The following PTPRD variants were observed in gnomAD, a reference collection of about 807,000 sequenced individuals.
The protein encoded by PTPRD is receptor-type tyrosine-protein phosphatase delta.
PTPRD carries 34 observed loss-of-function variants against 214.5 expected under a neutral mutation model. The ratio of observed to expected loss-of-function variants is 0.16; its 90% CI spans 0.12 to 0.21. The LOEUF (loss-of-function observed/expected upper bound fraction) is 0.21. Among genes scored for constraint, PTPRD ranks in the 10% least tolerant of loss-of-function variants. The pLI, the probability that PTPRD is intolerant of heterozygous loss-of-function variation, is 1.00. For missense variants in PTPRD, 2,545 were observed against 2,398.7 expected (o/e 1.06, Z -1.27); for synonymous variants, 1,128 against 845.7 (o/e 1.33, Z -5.79).
At chr9:10,370,657 GA>G (rs1420147321) in intron 2 of PTPRD, among the ~76,000 whole-genome samples, 1 of 151,964 alleles carries the variant, frequency 6.6e-6, no homozygotes, top group Admixed American at 6.6e-5. Context: ...AATATATTTA[GA>G]AATCTTCAAA....
chr9:8,943,961 A>T (rs2099048885), intron 11 of PTPRD, among the ~76,000 whole-genome samples: 1 of 151,982 alleles, frequency 6.6e-6, no homozygotes, highest in Admixed American at 6.6e-5. Flanking sequence ...AAATGAAGAG[A>T]CAACACATGG....
At chr9:10,101,838 C>T (rs1276379004) in intron 3 of PTPRD, among the ~76,000 whole-genome samples, 1 of 151,638 alleles carries the variant, frequency 6.6e-6, no homozygotes, top group Admixed American at 6.6e-5. Flanking sequence ...CATTTGTAAA[C>T]AATTGCAAAT....
chr9:9,985,495 G>A (rs549438962), intron 4 of PTPRD, among the ~76,000 whole-genome samples: 3 of 152,132 alleles, frequency 2.0e-5, no homozygotes, highest in South Asian at 2.1e-4. Flanking sequence ...TTCTTTTACA[G>A]AAAGTAGTCA....
At chr9:10,257,494 A>C (rs1368483393) in intron 3 of PTPRD, among the ~76,000 whole-genome samples, 3 of 152,220 alleles carry the variant, frequency 2.0e-5, no homozygotes, top group Admixed American at 2.0e-4. Flanking sequence ...CATCATATCC[A>C]ATTGATTAGG....
chr9:8,798,258 T>C (rs1002960089), intron 11 of PTPRD, among the ~76,000 whole-genome samples: 1 of 152,188 alleles, frequency 6.6e-6, no homozygotes, highest in African/African-American at 2.4e-5. Flanking sequence ...CCTGATCATA[T>C]AGGGTAAATC....
At chr9:8,638,942 A>G (rs1264860948) in intron 12 of PTPRD, among the ~76,000 whole-genome samples, 1 of 152,158 alleles carries the variant, frequency 6.6e-6, no homozygotes, top group East Asian at 1.9e-4. Context: ...ACCCAGGTTC[A>G]AGCGATTCTC....
At chr9:10,202,788 A>G (rs1440927376) in intron 3 of PTPRD, among the ~76,000 whole-genome samples, 1 of 151,218 alleles carries the variant, frequency 6.6e-6, no homozygotes, top group East Asian at 2.0e-4. Context: ...AAAACTTAAA[A>G]GAGATAGAAG....
chr9:9,525,573 T>C (rs532487686), intron 8 of PTPRD, among the ~76,000 whole-genome samples: 19 of 152,208 alleles, frequency 1.2e-4, no homozygotes, highest in African/African-American at 4.6e-4. Context: ...GAAAGCAACT[T>C]ATGGGGAAGT....
chr9:9,347,321 A>T (rs1054731827), intron 9 of PTPRD, among the ~76,000 whole-genome samples: 7 of 149,082 alleles, frequency 4.7e-5, no homozygotes, highest in African/African-American at 1.7e-4. Context: ...TATATATATA[A>T]ATATATATAT....
intron 7 of PTPRD, among the ~76,000 whole-genome samples, chr9:9,592,107 T>C (rs1020001448): frequency 3.3e-5 from 5 of 152,062 alleles, no homozygotes; most frequent in African/African-American, 1.2e-4. Flanking sequence ...AAAATATTTG[T>C]TCTCAAAATT....
intron 9 of PTPRD, among the ~76,000 whole-genome samples, chr9:9,269,334 A>G (rs985807487): frequency 1.3e-5 from 2 of 151,396 alleles, no homozygotes; most frequent in Non-Finnish European, 3.0e-5. Flanking sequence ...TAGGATGGCC[A>G]TTAGCAAAAA....
intron 10 of PTPRD, among the ~76,000 whole-genome samples, chr9:9,079,665 G>T (rs145815058): frequency 1.7e-3 from 258 of 152,140 alleles, no homozygotes; most frequent in African/African-American, 5.8e-3. Flanking sequence ...TCTCCTCTGG[G>T]AGGTGACATA....
intron 4 of PTPRD, among the ~76,000 whole-genome samples, chr9:10,016,636 C>G (rs2096721426): frequency 6.6e-6 from 1 of 150,602 alleles, no homozygotes; most frequent in African/African-American, 2.4e-5. Context: ...AGTGAAAATG[C>G]TACTAGAAAT....
intron 3 of PTPRD, among the ~76,000 whole-genome samples, chr9:10,277,903 A>T (rs920131560): frequency 2.6e-5 from 4 of 152,226 alleles, no homozygotes; most frequent in African/African-American, 9.6e-5. Flanking sequence ...TCATGCCTGT[A>T]ATCTCAGCAC....
intron 12 of PTPRD, among the ~76,000 whole-genome samples, chr9:8,660,264 A>G (rs919878158): frequency 2.0e-4 from 30 of 151,456 alleles, no homozygotes; most frequent in African/African-American, 7.1e-4. Flanking sequence ...TAATAGCCAT[A>G]CACGTAACAG....
chr9:9,613,135 CATATATATATATATATATATATATAT>C (rs67735335), intron 7 of PTPRD, among the ~76,000 whole-genome samples: 5 of 47,926 alleles, frequency 1.0e-4, no homozygotes, highest in African/African-American at 4.4e-4. Context: ...TACATACATA[CATATATATATATATATATATATATAT>C]ATATATATAT....
intron 11 of PTPRD, among the ~76,000 whole-genome samples, chr9:8,899,919 C>T (rs375034410): frequency 1.3e-5 from 2 of 152,274 alleles, no homozygotes; most frequent in African/African-American, 2.4e-5. Flanking sequence ...AGCAGATAAA[C>T]GATTTGGAAA....
At chr9:8,623,445 A>C (rs995117261) in intron 14 of PTPRD, among the ~76,000 whole-genome samples, 9 of 151,926 alleles carry the variant, frequency 5.9e-5, no homozygotes, top group African/African-American at 2.2e-4. Context: ...AGCTTGACTT[A>C]AGGATTAAAA....
chr9:9,123,044 G>A (rs1053615239), intron 10 of PTPRD, among the ~76,000 whole-genome samples: 5 of 152,306 alleles, frequency 3.3e-5, no homozygotes, highest in African/African-American at 9.6e-5. Flanking sequence ...GTTTTAGCAA[G>A]CCTGATATCT....
Sources: gnomAD v4.1 joint callset for allele counts (sites outside exome capture counted in the v4.1 genomes callset) on GRCh38, gnomAD v4.1.1 for gene constraint, MANE v1.5 for transcripts, NCBI Gene and HGNC (gene_info 2026-07-23, HGNC 2026-07-21) for gene names.